Variants in SUMF2 observed in about 807,000 individuals in gnomAD.
The protein encoded by SUMF2 is inactive C-alpha-formylglycine-generating enzyme 2.
Under a neutral mutation model 44.8 loss-of-function variants are expected in SUMF2, and 45 were observed. The ratio of observed to expected loss-of-function variants is 1.00; its 90% CI spans 0.79 to 1.29. The LOEUF (loss-of-function observed/expected upper bound fraction) is 1.29, where lower values mean the gene tolerates loss of function less well. SUMF2 is among the 50% of genes most tolerant of loss of function. SUMF2 has a pLI of 0.00. For synonymous variants in SUMF2, 148 were observed against 150.4 expected, an observed-to-expected ratio of 0.98 and a Z score of 0.12; for missense variants, 418 against 389.9, an observed-to-expected ratio of 1.07 and a Z score of -0.61.
At chr7:56,076,108 G>T (rs1252748617) in intron 5 of SUMF2, among the ~76,000 whole-genome samples, 5 of 143,330 alleles carry the variant, frequency 3.5e-5, no homozygotes, top group South Asian at 4.5e-4. Context: ...CTCACTGCAA[G>T]CTCCGCCTCC....
intron 2 of SUMF2, among the ~76,000 whole-genome samples, chr7:56,071,829 A>G (rs1219662277): frequency 7.1e-6 from 1 of 140,952 alleles, no homozygotes; most frequent in Non-Finnish European, 1.5e-5. Context: ...AATAAAAAAT[A>G]ATTTGGGCAC....
At chr7:56,086,082 C>T in the SUMF2 span, among the ~76,000 whole-genome samples, 1,116 of 151,616 alleles carry the variant, frequency 7.4e-3, 9 homozygotes, top group African/African-American at 0.025. Context: ...TGGTGCTGAC[C>T]GACCTTACAT....
chr7:56,081,713 CT>C, downstream of SUMF2: 1 of 1,613,992 alleles, frequency 6.2e-7, no homozygotes, highest in Non-Finnish European at 8.5e-7. The surrounding 1 kb of genome is among the most constrained non-coding windows in gnomAD (Gnocchi z 4.6). Flanking sequence ...GCCTCTTCCG[CT>C]GTGTAGCGGT....
rs765407024 is a variant in SUMF2 at position 56,078,186 on chromosome 7, G to C, written c.676G>C (p.Gly226Arg). The C allele has an allele frequency of 6.2e-6, 10 of 1,610,268 alleles. 1 individual carries two copies. The South Asian group carries it at 9.9e-5, about 16-fold the overall frequency. Residue 226 changes from glycine to arginine, a missense_variant and splice_region_variant, in exon 7 of 9, where the codon GGG (glycine) becomes CGG (arginine). Coordinates refer to ENST00000434526, the MANE Select transcript of SUMF2 (RefSeq NM_015411.4). ...VNAFPAQNNY[G>R]LYDLLGNVWE... ...TGCTTTCCCCGCCCAGAACAACTAC[G>C]GTAAGAGCTGTCTTGGGCTTGCGGC...
At chr7:56,066,198 TGAG>T (rs956355136) in intron 1 of SUMF2, among the ~76,000 whole-genome samples, 4 of 151,972 alleles carry the variant, frequency 2.6e-5, no homozygotes, top group Admixed American at 2.0e-4. Flanking sequence ...GATAGGATCT[TGAG>T]GAACATCAAA....
chr7:56,065,463 T>A (rs1348863837), intron 1 of SUMF2, among the ~76,000 whole-genome samples: 1 of 152,214 alleles, frequency 6.6e-6, no homozygotes, highest in Non-Finnish European at 1.5e-5. Context: ...TTCAGATTCA[T>A]CTATTATCTC....
chr7:56,064,407 G>A, intron 1 of SUMF2, 29 bp downstream of exon 1: 2 of 1,586,088 alleles, frequency 1.3e-6, no homozygotes, highest in Non-Finnish European at 1.7e-6. Context: ...CATCCTGGGG[G>A]CGCTGGGAAG....
intron 3 of SUMF2, 130 bp from the exon 4 acceptor site, chr7:56,074,044 A>T (rs888243452): frequency 5.3e-6 from 3 of 564,172 alleles, no homozygotes; most frequent in Admixed American, 2.7e-5. Context: ...AAAAAAAAAA[A>T]TCAGCCACAA....
chr7:56,068,031 CT>C (rs565131237), intron 1 of SUMF2, among the ~76,000 whole-genome samples: 87 of 110,350 alleles, frequency 7.9e-4, no homozygotes, highest in African/African-American at 1.3e-3. Flanking sequence ...TTTTTTCTTT[CT>C]TTTTTTTTTT....
At position 56,079,708 on chromosome 7, in the gene SUMF2, C is replaced by A; in HGVS notation, c.*96C>A. The A allele has an allele frequency of 6.2e-7, 1 of 1,610,616 alleles. No homozygotes were observed. Among genetic ancestry groups the A allele is most frequent in the African/African-American group, 1.3e-5 (1 of 74,974 alleles). ...GCAATTCCAAGCTCGAGAGCTTCAG[C>A]CTCAGGAAAGAACTTCCCCTTCCCT... On this transcript the variant is annotated 3_prime_UTR_variant, in exon 9 of 9. Transcript: ENST00000434526.
intron 5 of SUMF2, 30 bp from the exon 6 acceptor site, chr7:56,076,801 CCCT>C: frequency 6.4e-7 from 1 of 1,564,434 alleles, no homozygotes; most frequent in African/African-American, 1.4e-5. Context: ...CTTCACCTCC[CCCT>C]CCTCTGCTGC....
At chr7:56,066,897 G>A (rs964280062) in intron 1 of SUMF2, among the ~76,000 whole-genome samples, 1 of 152,188 alleles carries the variant, frequency 6.6e-6, no homozygotes, top group African/African-American at 2.4e-5. Flanking sequence ...TGGGATTCCA[G>A]GTGTGAGCCA....
rs187475032 is a variant in SUMF2 at position 56,065,178 on chromosome 7, G to C, written c.67+800G>C. Among the ~76,000 whole-genome samples, 47 of 135,144 alleles carry C rather than the reference G, an allele frequency of 3.5e-4. No individual in the cohort carries two copies. In the East Asian group the frequency reaches 9.6e-3, roughly 28 times the overall value. The allele number at this position is 135,144 out of a possible 152,430, so 88.7% of individuals were successfully genotyped here. On this transcript the variant is annotated intron_variant, in intron 1 of 8. Coordinates refer to ENST00000434526, the MANE Select transcript of SUMF2 (RefSeq NM_015411.4). ...ACTGCACTCCAGCCTGGGCGACAGC[G>C]AGACTCCGTCTCAAAAAAAAAAAAA... is the stretch of plus-strand genomic sequence containing the variant.
downstream of SUMF2, among the ~76,000 whole-genome samples, chr7:56,084,780 T>C (rs1796185130): frequency 6.6e-6 from 1 of 151,796 alleles, no homozygotes; most frequent in Non-Finnish European, 1.5e-5. Context: ...TTCAATCTTC[T>C]TACCTCCTGG....
At chr7:56,083,148 C>A, downstream of SUMF2, 1 of 772,892 alleles carries the variant, frequency 1.3e-6, no homozygotes. Flanking sequence ...AAATCCCTAG[C>A]CCTTGAAATG....
chr7:56,077,099 T>G (rs1294073825), intron 6 of SUMF2, among the ~76,000 whole-genome samples: 2 of 149,538 alleles, frequency 1.3e-5, no homozygotes, highest in Non-Finnish European at 3.0e-5. Context: ...CACGCTGGAG[T>G]GCAGTGGTGC....
Position 56,074,680 on chromosome 7 carries a change from G to A in SUMF2, c.479G>A (p.Gly160Glu), listed in dbSNP as rs371073840. 10 of 1,614,066 alleles carry A rather than the reference G, an allele frequency of 6.2e-6. No individual in the cohort carries two copies. In the Admixed American group the frequency reaches 8.3e-5, roughly 13 times the overall value. Reference protein sequence around the residue: ...NDARAYCAWRGKRLPTEEEWE... With the variant: ...NDARAYCAWREKRLPTEEEWE... Reference sequence around the variant, plus strand: ...GCCCGTGCCTACTGTGCTTGGCGGGGAAAACGACTGCCCACGGAGGAAGAG... The same window carrying A: ...GCCCGTGCCTACTGTGCTTGGCGGGAAAAACGACTGCCCACGGAGGAAGAG... Residue 160 changes from glycine to glutamate, a missense_variant, in exon 5 of 9, where the codon GGA (glycine) becomes GAA (glutamate). Coordinates refer to ENST00000434526, the MANE Select transcript of SUMF2 (RefSeq NM_015411.4).
chr7:56,087,740 C>T, the SUMF2 span: 365 of 1,613,372 alleles, frequency 2.3e-4, no homozygotes, highest in African/African-American at 3.8e-3. Flanking sequence ...GGCTCGTGGG[C>T]TTGTGGATGC....
chr7:56,068,713 T>A (rs1257337246), intron 2 of SUMF2, 75 bp downstream of exon 2: 4 of 1,505,140 alleles, frequency 2.7e-6, no homozygotes, highest in Non-Finnish European at 3.5e-6. Flanking sequence ...TTTTTTTTTT[T>A]TGTTTTTTGA....
Sources: allele counts gnomAD v4.1 joint callset (sites outside exome capture counted in the v4.1 genomes callset), GRCh38; gene constraint gnomAD v4.1.1; non-coding constraint Gnocchi (gnomAD v3.1); transcripts MANE v1.5; gene names NCBI Gene and HGNC (gene_info 2026-07-23, HGNC 2026-07-21).